Variants in ZSWIM4 observed in about 807,000 individuals in gnomAD.
ZSWIM4 encodes the protein zinc finger SWIM-type containing 4.
A neutral mutation model predicts 102.5 loss-of-function variants in ZSWIM4; 62 were observed. The ratio of observed to expected loss-of-function variants is 0.60; its 90% CI spans 0.49 to 0.75. ZSWIM4 has a LOEUF of 0.75. ZSWIM4 is among the 30% of genes least tolerant of loss of function. ZSWIM4 has a pLI of 0.00. For synonymous variants in ZSWIM4, 652 were observed against 674.5 expected (o/e 0.97, Z 0.52); for missense variants, 1,280 against 1,529.6 (o/e 0.84, Z 2.72).
chr19:13,829,874 G>A (rs542867750), intron 13 of ZSWIM4, among the ~76,000 whole-genome samples: 4 of 152,188 alleles, frequency 2.6e-5, no homozygotes, highest in East Asian at 1.9e-4. Flanking sequence ...ACTCTTCTCC[G>A]ATTCCAGCCT....
chr19:13,806,619 G>A (rs1392321891), intron 3 of ZSWIM4, among the ~76,000 whole-genome samples: 19 of 151,462 alleles, frequency 1.3e-4, no homozygotes, highest in Non-Finnish European at 4.4e-5. Flanking sequence ...AGCTATGATC[G>A]TGCTACTACA....
rs1975750451 is a variant in ZSWIM4 at position 13,830,923 on chromosome 19, A to G, written c.3194A>G (p.Lys1065Arg). The G allele has an allele frequency of 1.2e-6, 2 of 1,614,072 alleles. No individual in the cohort carries two copies. Among genetic ancestry groups the G allele is most frequent in the Non-Finnish European group, 1.7e-6 (2 of 1,180,032 alleles). Residue 1065 changes from lysine (K) to arginine (R), a missense_variant, in exon 14 of 14, where the codon AAG (lysine) becomes AGG (arginine). Transcript: ENST00000590508. Reference sequence around the variant, plus strand: ...GGGGATTTCATCGAATTCCTGGGCAAGGCCCGGGAGACCTTCCTGCTGGCG... The same window carrying G: ...GGGGATTTCATCGAATTCCTGGGCAGGGCCCGGGAGACCTTCCTGCTGGCG... ...HYGDFIEFLG[K>R]ARETFLLAPD...
In ZSWIM4 at chr19:13,810,710, T is replaced by C. The variant is rs191002598; in HGVS notation, c.1012+1490T>C. ...CTGCAAGCTCTGCCTCCTGGGTTCA[T>C]GCCATTCTCCTGCCTCAGCCTCCCG... On this transcript the variant is annotated intron_variant, in intron 5 of 13. Transcript: ENST00000590508. Among the ~76,000 whole-genome samples the C allele has an allele frequency of 8.6e-3, 1,284 of 149,332 alleles. 11 individuals carry two copies. The highest frequency in any genetic ancestry group is 0.036 in the Middle Eastern group (10 of 274).
chr19:13,806,327 G>C (rs1568330314), intron 3 of ZSWIM4, among the ~76,000 whole-genome samples: 1 of 151,736 alleles, frequency 6.6e-6, no homozygotes, highest in Non-Finnish European at 1.5e-5. Flanking sequence ...ACAGGTGTGA[G>C]CCACCACACC....
In ZSWIM4 at chr19:13,809,613, C is replaced by T. The variant is rs764943461; in HGVS notation, c.1012+393C>T. ...TCCTACACCTCAGCCTCCCAAGTAG[C>T]TGGGTCTACAGGTGCACACTACCAC... On this transcript the variant is annotated intron_variant, in intron 5 of 13. Coordinates refer to ENST00000590508, the MANE Select transcript of ZSWIM4 (RefSeq NM_001367834.3). The surrounding 1 kb of genome is among the most constrained non-coding windows in gnomAD (Gnocchi z 4.2). Among the ~76,000 whole-genome samples, 1 of 152,128 alleles carries T rather than the reference C, an allele frequency of 6.6e-6. No homozygotes were observed. The highest frequency in any genetic ancestry group is 1.5e-5 in the Non-Finnish European group (1 of 68,024).
chr19:13,799,739 G>A lies in ZSWIM4; in HGVS notation c.173G>A (p.Arg58Gln), dbSNP rs746343858. The change falls in exon 2 of 14, where the codon CGG (arginine) becomes CAG (glutamine). Residue 58 changes from arginine to glutamine, a missense_variant. Coordinates refer to ENST00000590508, the MANE Select transcript of ZSWIM4 (RefSeq NM_001367834.3). ...AFEQVEERFSRVPEPVQKRIV... is the reference protein window; with the variant it reads ...AFEQVEERFSQVPEPVQKRIV... ...CTACAGGTGGAGGAGCGGTTCTCCC[G>A]GGTGCCTGAGCCCGTCCAGAAGCGC... 8 of 1,613,870 alleles carry A rather than the reference G, an allele frequency of 5.0e-6. No individual in the cohort carries two copies. The highest frequency in any genetic ancestry group is 1.3e-5 in the African/African-American group (1 of 74,920).
intron 1 of ZSWIM4, among the ~76,000 whole-genome samples, chr19:13,798,682 C>T (rs1225746017): frequency 6.6e-6 from 1 of 152,222 alleles, no homozygotes; most frequent in African/African-American, 2.4e-5. Context: ...GTGCCGTGGA[C>T]CTCCCCACTT....
intron 12 of ZSWIM4, among the ~76,000 whole-genome samples, chr19:13,826,208 C>T (rs1031362107): frequency 6.6e-6 from 1 of 151,976 alleles, no homozygotes; most frequent in Non-Finnish European, 1.5e-5. Flanking sequence ...GTCACTGGAG[C>T]GGAGAGGCAG....
At chr19:13,817,689 C>T (rs1392863540) in intron 8 of ZSWIM4, 33 bp from the exon 9 acceptor site, 5 of 1,602,824 alleles carry the variant, frequency 3.1e-6, no homozygotes, top group Admixed American at 3.5e-5. Flanking sequence ...GAAGGGGATC[C>T]GTCTCCAGCA....
In ZSWIM4 at chr19:13,830,271, A is replaced by C; in HGVS notation, c.2542A>C (p.Thr848Pro). 6.2e-7 allele frequency: 1 copy of C among 1,613,908 alleles called. No homozygotes were observed. Among genetic ancestry groups the C allele is most frequent in the African/African-American group, 1.3e-5 (1 of 75,060 alleles). Residue 848 changes from threonine (T) to proline (P), a missense_variant, in exon 14 of 14, where the codon ACG becomes CCG. Transcript: ENST00000590508. ...GGAGGCGGCTACCATCGTGGCAGTGACGGGCACCACACACGCCACTCTGCT... is the reference window on the plus strand; with the variant it reads ...GGAGGCGGCTACCATCGTGGCAGTGCCGGGCACCACACACGCCACTCTGCT... ...PVEAATIVAV[T>P]GTTHATLLRL...
rs59602194 is a variant in ZSWIM4 at position 13,822,163 on chromosome 19, T to TACACAC, written c.2061-1145_2061-1140dup. ...TAAAACACACAAACACACACACACA[T>TACACAC]ACACACACACACACACACACACACA... is the stretch of plus-strand genomic sequence containing the variant. On this transcript the variant is annotated intron_variant, in intron 10 of 13. Transcript: ENST00000590508. Among the ~76,000 whole-genome samples, 418 of 142,278 alleles carry TACACAC rather than the reference T, an allele frequency of 2.9e-3. 4 individuals carry two copies. The highest frequency in any genetic ancestry group is 3.5e-3 in the African/African-American group (137 of 38,814). The allele number at this position is 142,278 out of a possible 152,430, so 93.3% of individuals were successfully genotyped here.
At chr19:13,828,566 G>A (rs1975672743) in intron 12 of ZSWIM4, 79 bp from the exon 13 acceptor site, 3 of 1,278,258 alleles carry the variant, frequency 2.3e-6, no homozygotes, top group African/African-American at 2.9e-5. Flanking sequence ...TGTTTCTGGG[G>A]TCCTCCATCT....
At chr19:13,826,898 G>A (rs1975626109) in intron 12 of ZSWIM4, among the ~76,000 whole-genome samples, 1 of 152,046 alleles carries the variant, frequency 6.6e-6, no homozygotes, top group Admixed American at 6.6e-5. Flanking sequence ...CATTGGTAGG[G>A]TGTGAGTGCC....
chr19:13,815,992 G>A (rs1440470025), intron 7 of ZSWIM4, among the ~76,000 whole-genome samples: 4 of 144,110 alleles, frequency 2.8e-5, no homozygotes, highest in Admixed American at 7.1e-5. Context: ...AGGAGAGAGA[G>A]AAGAGGAAAG....
In ZSWIM4 at chr19:13,799,818, G is replaced by A. The variant is rs746244584; in HGVS notation, c.252G>A (p.Ser84=). ...RSEREICMYS[S]LGYPPPEGEH... Reference sequence around the variant, plus strand: ...AACGGGAAATATGTATGTACTCGTCGCTGGGTTACCCGCCCCCAGAGGGCG... The same window carrying A: ...AACGGGAAATATGTATGTACTCGTCACTGGGTTACCCGCCCCCAGAGGGCG... The change falls in exon 2 of 14, where the codon TCG becomes TCA. Residue 84 remains serine, a synonymous_variant. Coordinates refer to ENST00000590508, the MANE Select transcript of ZSWIM4 (RefSeq NM_001367834.3). 2 of 1,613,946 alleles carry A rather than the reference G, an allele frequency of 1.2e-6. No individual in the cohort carries two copies. The highest frequency in any genetic ancestry group is 1.1e-5 in the South Asian group (1 of 91,084).
At chr19:13,810,416 C>G (rs143014647) in intron 5 of ZSWIM4, among the ~76,000 whole-genome samples, 20 of 151,972 alleles carry the variant, frequency 1.3e-4, no homozygotes, top group African/African-American at 4.3e-4. Context: ...CCTTAGCCTT[C>G]TCAGTAGCTG....
chr19:13,831,175 G>A lies in ZSWIM4; in HGVS notation c.*125G>A, dbSNP rs187360665. 321 of 1,275,826 alleles carry A rather than the reference G, an allele frequency of 2.5e-4. 2 individuals are homozygous for A. In the African/African-American group the frequency reaches 4.0e-3, roughly 16 times the overall value. The allele number at this position is 1,275,826 out of a possible 1,614,324, so 79.0% of individuals were successfully genotyped here. A position where few individuals can be genotyped will look rare whatever the true frequency, so the allele number is the denominator to read the frequency against. ...CAGGGAAGGAGCCCGGCTGGAGATG[G>A]GGGCAGGGGGAGCAGCATCCTGCCA... On this transcript the variant is annotated 3_prime_UTR_variant, in exon 14 of 14. Transcript: ENST00000590508.
chr19:13,826,892 G>T (rs570377910), intron 12 of ZSWIM4, among the ~76,000 whole-genome samples: 1 of 152,258 alleles, frequency 6.6e-6, no homozygotes, highest in African/African-American at 2.4e-5. Context: ...AGGTGTCATT[G>T]GTAGGGTGTG....
At chr19:13,797,094 A>G (rs1462505483) in intron 1 of ZSWIM4, among the ~76,000 whole-genome samples, 1 of 152,146 alleles carries the variant, frequency 6.6e-6, no homozygotes, top group African/African-American at 2.4e-5. Context: ...ACCATCTCCG[A>G]GCCTCCCACA....
Sources: allele counts gnomAD v4.1 joint callset (sites outside exome capture counted in the v4.1 genomes callset), GRCh38; gene constraint gnomAD v4.1.1; non-coding constraint Gnocchi (gnomAD v3.1); transcripts MANE v1.5; gene names NCBI Gene and HGNC (gene_info 2026-07-23, HGNC 2026-07-21).